The following FARP2 variants were observed in gnomAD, a reference collection of about 807,000 sequenced individuals.
FARP2 encodes the protein FERM, ARHGEF and pleckstrin domain-containing protein 2.
In FARP2, 111 loss-of-function variants were observed where a neutral mutation model predicts 130.5. The observed-to-expected ratio is 0.85, with a 90% CI of 0.73 to 1.00. The LOEUF is 1.00. Ranked by LOEUF, FARP2 falls within the 50% of genes least tolerant of loss-of-function variation. The pLI, the probability that FARP2 is intolerant of heterozygous loss-of-function variation, is 0.00. For synonymous variants in FARP2, 504 were observed against 516.9 expected (o/e 0.98, Z 0.34); for missense variants, 1,385 against 1,346.3 (o/e 1.03, Z -0.45).
At chr2:241,443,122 C>A in intron 13 of FARP2, 1 of 268,578 alleles carries the variant, frequency 3.7e-6, no homozygotes, top group South Asian at 3.9e-5. Context: ...TTAGCCTTTT[C>A]TTCAGCAACC....
At chr2:241,487,482 A>G (rs1403148101) in intron 21 of FARP2, among the ~76,000 whole-genome samples, 26 of 151,548 alleles carry the variant, frequency 1.7e-4, no homozygotes, top group Admixed American at 1.7e-3. Context: ...AGCCTGGCCA[A>G]CAGGGCGAAA....
chr2:241,456,776 C>G lies in FARP2; in HGVS notation c.1441C>G (p.Pro481Ala). The change falls in exon 14 of 27, where the codon CCC becomes GCC. Residue 481 changes from proline to alanine, a missense_variant. By Grantham distance (27) the Pro-to-Ala change is conservative. Coordinates refer to ENST00000264042, the MANE Select transcript of FARP2 (RefSeq NM_014808.4). ...TTCCACGAAGAGTCCTCAGCCTTCT[C>G]CCTCCAGCCGGAAGAGCCCCCTGAG... The part of the protein sequence containing the change: ...GLSTKSPQPS[P>A]SSRKSPLSLS... 2 of 1,614,190 alleles carry G rather than the reference C, an allele frequency of 1.2e-6. No individual in the cohort carries two copies. Among genetic ancestry groups the G allele is most frequent in the Non-Finnish European group, 1.7e-6 (2 of 1,180,026 alleles).
intron 9 of FARP2, among the ~76,000 whole-genome samples, chr2:241,433,913 C>T (rs2063152801): frequency 6.6e-6 from 1 of 152,082 alleles, no homozygotes; most frequent in Non-Finnish European, 1.5e-5. Flanking sequence ...GTAGTCCCTA[C>T]TGAGCAGTAG....
intron 2 of FARP2, among the ~76,000 whole-genome samples, chr2:241,374,967 G>A (rs1407511164): frequency 6.6e-6 from 1 of 152,000 alleles, no homozygotes. Context: ...TCTTTTTTGA[G>A]GCGGAGTCTT....
At chr2:241,374,014 CTTT>C (rs779927100) in intron 2 of FARP2, among the ~76,000 whole-genome samples, 1 of 142,624 alleles carries the variant, frequency 7.0e-6, no homozygotes, top group Non-Finnish European at 1.5e-5. Context: ...TCATCTTTTA[CTTT>C]TTTTTTTTTT....
At chr2:241,409,647 T>A (rs2062464178) in intron 5 of FARP2, among the ~76,000 whole-genome samples, 2 of 152,210 alleles carry the variant, frequency 1.3e-5, no homozygotes, top group Admixed American at 1.3e-4. Context: ...GATGAAAGCA[T>A]AGATGTGCAA....
chr2:241,386,354 C>G (rs1012332199), intron 2 of FARP2, among the ~76,000 whole-genome samples: 5 of 152,180 alleles, frequency 3.3e-5, no homozygotes, highest in African/African-American at 1.2e-4. Flanking sequence ...CGGCCTGATT[C>G]TCTTGAGTAG....
At chr2:241,414,121 G>A (rs940815681) in intron 7 of FARP2, among the ~76,000 whole-genome samples, 6 of 152,114 alleles carry the variant, frequency 3.9e-5, no homozygotes, top group African/African-American at 1.4e-4. Flanking sequence ...ACTGTGTGAG[G>A]CTAACAGTGT....
intron 26 of FARP2, 58 bp from the exon 27 acceptor site, chr2:241,493,950 T>C: frequency 8.9e-7 from 1 of 1,117,640 alleles, no homozygotes; most frequent in Non-Finnish European, 1.2e-6. Flanking sequence ...GGGTTGTTCT[T>C]GGGACAGTGT....
chr2:241,427,385 G>A (rs775933432), intron 8 of FARP2, among the ~76,000 whole-genome samples: 10 of 152,146 alleles, frequency 6.6e-5, no homozygotes, highest in East Asian at 1.9e-4. Context: ...GAAGCCCAGC[G>A]TGGTAGCTCA....
At chr2:241,406,812 T>C (rs2062365607) in intron 4 of FARP2, among the ~76,000 whole-genome samples, 1 of 151,752 alleles carries the variant, frequency 6.6e-6, no homozygotes, top group South Asian at 2.1e-4. Context: ...TATTTATTTA[T>C]TTATTTATTT....
Position 241,434,186 on chromosome 2 carries a change from T to C in FARP2, c.896T>C (p.Leu299Ser). 1 of 1,612,270 alleles carries C rather than the reference T, an allele frequency of 6.2e-7. No individual in the cohort carries two copies. ...CCTTACCAGGACACATTAGAATTTTTGTTGGGTAGTAGAGATGAATGTAAG... is the reference window on the plus strand; with the variant it reads ...CCTTACCAGGACACATTAGAATTTTCGTTGGGTAGTAGAGATGAATGTAAG... The part of the protein sequence containing the change: ...HGPYQDTLEF[L>S]LGSRDECKNF... The change falls in exon 10 of 27, where the codon TTG becomes TCG. Residue 299 changes from leucine (L) to serine (S), a missense_variant. Physicochemically the swap from Leu to Ser is moderately radical, Grantham distance 145. Transcript: ENST00000264042.
chr2:241,380,342 G>A (rs973643217), intron 2 of FARP2, among the ~76,000 whole-genome samples: 1 of 152,126 alleles, frequency 6.6e-6, no homozygotes, highest in Admixed American at 6.5e-5. Flanking sequence ...ACCCATGTGA[G>A]CTGTGAGCGC....
chr2:241,393,471 C>G (rs763501344), intron 2 of FARP2, among the ~76,000 whole-genome samples: 19 of 152,014 alleles, frequency 1.2e-4, no homozygotes, highest in Non-Finnish European at 4.4e-5. Context: ...GCTACAGTTT[C>G]CTTTTGAGCG....
intron 1 of FARP2, among the ~76,000 whole-genome samples, chr2:241,359,387 A>G (rs1559696826): frequency 6.6e-6 from 1 of 152,170 alleles, no homozygotes; most frequent in African/African-American, 2.4e-5. Flanking sequence ...AAATGTGGTC[A>G]TGTCCTATCC....
In FARP2 at chr2:241,468,349, C is replaced by G; in HGVS notation, c.2103C>G (p.Pro701=). The G allele has an allele frequency of 6.2e-7, 1 of 1,613,168 alleles. No individual in the cohort carries two copies. The highest frequency in any genetic ancestry group is 1.1e-5 in the South Asian group (1 of 91,068). Residue 701 remains proline, a synonymous_variant, in exon 18 of 27, where the codon CCC becomes CCG. Transcript: ENST00000264042. The part of the protein sequence containing the change: ...LLRRLCGHYS[P]GHHDYADCHD... ...GCCGCCTATGCGGACATTACAGCCCCGGGCACCATGACTACGCTGACTGCC... is the reference window on the plus strand; with the variant it reads ...GCCGCCTATGCGGACATTACAGCCCGGGGCACCATGACTACGCTGACTGCC...
intron 8 of FARP2, among the ~76,000 whole-genome samples, chr2:241,429,913 A>G (rs773982803): frequency 1.3e-5 from 2 of 152,302 alleles, no homozygotes; most frequent in African/African-American, 2.4e-5. Context: ...AAGAAAGGTT[A>G]CTTTTTGTCC....
chr2:241,430,308 C>G (rs1445477922), intron 8 of FARP2, among the ~76,000 whole-genome samples: 2 of 152,226 alleles, frequency 1.3e-5, no homozygotes, highest in East Asian at 1.9e-4. Flanking sequence ...GCCTGCTTCA[C>G]TGTGGAGTCA....
intron 18 of FARP2, among the ~76,000 whole-genome samples, chr2:241,473,644 G>C (rs2064374493): frequency 6.6e-6 from 1 of 152,182 alleles, no homozygotes; most frequent in African/African-American, 2.4e-5. Context: ...GGGTGGCACT[G>C]GTGCTCTTTG....
Sources: allele counts gnomAD v4.1 joint callset (sites outside exome capture counted in the v4.1 genomes callset), GRCh38; gene constraint gnomAD v4.1.1; transcripts MANE v1.5; gene names NCBI Gene and HGNC (gene_info 2026-07-23, HGNC 2026-07-21).